The following GPC6 variants were observed in gnomAD, a reference collection of about 807,000 sequenced individuals.
GPC6 encodes glypican 6.
Under a neutral mutation model 55.2 loss-of-function variants are expected in GPC6, and 14 were observed. That is an observed-to-expected ratio of 0.25 (90% CI 0.17 to 0.40). The LOEUF (loss-of-function observed/expected upper bound fraction) is 0.40, where lower values mean the gene tolerates loss of function less well. GPC6 is among the 10% of genes least tolerant of loss of function. The pLI, the probability that GPC6 is intolerant of heterozygous loss-of-function variation, is 1.00. For synonymous variants in GPC6, 278 were observed against 259.6 expected (o/e 1.07, Z -0.68); for missense variants, 641 against 708.5 (o/e 0.90, Z 1.08).
At position 93,628,996 on chromosome 13, in the gene GPC6, A is replaced by G. The variant is rs76893073; in HGVS notation, c.319+83575A>G. Among the ~76,000 whole-genome samples the G allele has an allele frequency of 2.3e-3, 348 of 151,436 alleles. 15 individuals carry two copies. In the East Asian group the frequency reaches 0.062, roughly 27 times the overall value. ...CCTTCTTCTTAAAGGAGAAAAATTC[A>G]CTGGACTTAACATGAGATGTAAAAC... On this transcript the variant is annotated intron_variant, in intron 2 of 8. Transcript: ENST00000377047.
intron 4 of GPC6, among the ~76,000 whole-genome samples, chr13:94,160,612 T>TA (rs1888125126): frequency 2.0e-5 from 3 of 152,354 alleles, no homozygotes; most frequent in South Asian, 2.1e-4. Flanking sequence ...AAGTGTTAGA[T>TA]ACATAATTAA....
chr13:93,478,240 A>C (rs1427549678), intron 1 of GPC6, among the ~76,000 whole-genome samples: 1 of 152,222 alleles, frequency 6.6e-6, no homozygotes, highest in Non-Finnish European at 1.5e-5. Context: ...AAAGTCGTCA[A>C]TAAGACATGG....
At chr13:93,944,489 C>A (rs1357100014) in intron 3 of GPC6, among the ~76,000 whole-genome samples, 1 of 152,148 alleles carries the variant, frequency 6.6e-6, no homozygotes, top group African/African-American at 2.4e-5. Flanking sequence ...CAGGCATGAG[C>A]CACCACACCC....
intron 2 of GPC6, among the ~76,000 whole-genome samples, chr13:93,751,461 C>T (rs944030920): frequency 2.6e-5 from 4 of 151,698 alleles, no homozygotes; most frequent in Non-Finnish European, 5.9e-5. Flanking sequence ...ACACCATTTG[C>T]TTTGTCCCTG....
intron 2 of GPC6, among the ~76,000 whole-genome samples, chr13:93,589,222 G>A (rs1877351869): frequency 6.6e-6 from 1 of 151,882 alleles, no homozygotes. Flanking sequence ...TTTTAAGAAG[G>A]AGTTGCAGAC....
chr13:93,770,942 C>T (rs928635975), intron 2 of GPC6, among the ~76,000 whole-genome samples: 1 of 151,714 alleles, frequency 6.6e-6, no homozygotes, highest in African/African-American at 2.4e-5. Context: ...AATCATAAAA[C>T]GTAACGTAAC....
chr13:93,585,721 A>G (rs1440213873), intron 2 of GPC6, among the ~76,000 whole-genome samples: 2 of 152,134 alleles, frequency 1.3e-5, no homozygotes, highest in African/African-American at 4.8e-5. Flanking sequence ...TTATTTCTCT[A>G]AATTAGAGGA....
At chr13:94,311,904 C>T (rs557263234) in intron 6 of GPC6, among the ~76,000 whole-genome samples, 5 of 152,096 alleles carry the variant, frequency 3.3e-5, no homozygotes, top group Admixed American at 3.3e-4. Flanking sequence ...GGGTTCTGTT[C>T]GATTGGTCCC....
intron 2 of GPC6, among the ~76,000 whole-genome samples, chr13:93,556,164 G>A (rs912471058): frequency 6.6e-6 from 1 of 151,914 alleles, no homozygotes; most frequent in African/African-American, 2.4e-5. Context: ...GATGTATACT[G>A]TGGATTTTTG....
chr13:93,464,483 T>C (rs1878830631), intron 1 of GPC6, among the ~76,000 whole-genome samples: 1 of 152,128 alleles, frequency 6.6e-6, no homozygotes, highest in Non-Finnish European at 1.5e-5. Context: ...TCAGCAGGAG[T>C]GCGTTCCATC....
intron 1 of GPC6, among the ~76,000 whole-genome samples, chr13:93,335,503 G>T (rs1880013966): frequency 6.6e-6 from 1 of 152,150 alleles, no homozygotes; most frequent in South Asian, 2.1e-4. Flanking sequence ...TAATAGAGAC[G>T]AGCTTCAAAT....
At chr13:93,538,521 G>T (rs933761784) in intron 1 of GPC6, among the ~76,000 whole-genome samples, 1 of 152,144 alleles carries the variant, frequency 6.6e-6, no homozygotes. Flanking sequence ...ACATGCCCCA[G>T]GCCATGAATA....
At chr13:93,333,229 A>G (rs2139139406) in intron 1 of GPC6, among the ~76,000 whole-genome samples, 1 of 152,242 alleles carries the variant, frequency 6.6e-6, no homozygotes, top group African/African-American at 2.4e-5. Flanking sequence ...TGTTTCTATG[A>G]AGAGTGTCCT....
intron 6 of GPC6, among the ~76,000 whole-genome samples, chr13:94,343,405 C>T (rs529112830): frequency 2.2e-4 from 33 of 152,280 alleles, no homozygotes; most frequent in African/African-American, 7.9e-4. Flanking sequence ...GCTGATCCCT[C>T]CTTTGGCTCT....
At chr13:93,326,260 A>C (rs1247981686) in intron 1 of GPC6, among the ~76,000 whole-genome samples, 1 of 152,110 alleles carries the variant, frequency 6.6e-6, no homozygotes, top group Non-Finnish European at 1.5e-5. Flanking sequence ...CATAGTGTGC[A>C]TTGGACTATC....
At chr13:93,938,552 A>G (rs1030672636) in intron 3 of GPC6, among the ~76,000 whole-genome samples, 26 of 152,234 alleles carry the variant, frequency 1.7e-4, no homozygotes, top group Non-Finnish European at 2.4e-4. Flanking sequence ...TCAATGGCCA[A>G]GATTTTTCGG....
chr13:93,562,941 T>C (rs1278912978), intron 2 of GPC6, among the ~76,000 whole-genome samples: 1 of 152,202 alleles, frequency 6.6e-6, no homozygotes, highest in Non-Finnish European at 1.5e-5. Context: ...TAATCCAGTC[T>C]ATACCTGTTA....
chr13:93,490,230 T>C (rs1407011736), intron 1 of GPC6, among the ~76,000 whole-genome samples: 1 of 151,572 alleles, frequency 6.6e-6, no homozygotes, highest in African/African-American at 2.4e-5. Context: ...GATAATCATG[T>C]GGTTTTTGTC....
At chr13:93,752,058 G>C (rs1028337871) in intron 2 of GPC6, among the ~76,000 whole-genome samples, 1 of 151,946 alleles carries the variant, frequency 6.6e-6, no homozygotes, top group Non-Finnish European at 1.5e-5. Context: ...GAGTATAATA[G>C]TCCAGAAAAA....
Sources: allele counts gnomAD v4.1 joint callset (sites outside exome capture counted in the v4.1 genomes callset), GRCh38; gene constraint gnomAD v4.1.1; transcripts MANE v1.5; gene names NCBI Gene and HGNC (gene_info 2026-07-23, HGNC 2026-07-21).